Variants in SMU1 observed in about 807,000 individuals in gnomAD.
The protein encoded by SMU1 is WD40 repeat-containing protein SMU1.
Under a neutral mutation model 62.0 loss-of-function variants are expected in SMU1, and 2 were observed. That is an observed-to-expected ratio of 0.03 (90% CI 0.01 to 0.10). The LOEUF is 0.10. Among genes scored for constraint, SMU1 ranks in the 10% least tolerant of loss-of-function variants. The pLI, the probability that SMU1 is intolerant of heterozygous loss-of-function variation, is 1.00. For synonymous variants in SMU1, 188 were observed against 212.4 expected (o/e 0.89, Z 1.00); for missense variants, 227 against 622.1 (o/e 0.36, Z 6.76).
chr9:33,064,804 G>A (rs768030699), intron 4 of SMU1, among the ~76,000 whole-genome samples: 21 of 151,258 alleles, frequency 1.4e-4, no homozygotes, highest in African/African-American at 4.4e-4. Flanking sequence ...GTGCAGTGGC[G>A]CGATCTTGGC....
chr9:33,053,739 A>G (rs956100249), intron 9 of SMU1, among the ~76,000 whole-genome samples: 1 of 152,164 alleles, frequency 6.6e-6, no homozygotes, highest in Admixed American at 6.5e-5. Context: ...AAATATTTTC[A>G]ATTTGTGATT....
rs757269390 is a variant in SMU1, at chr9:33,076,623, G to A, written c.-15C>T. On this transcript the variant is annotated 5_prime_UTR_variant, in exon 1 of 12. Coordinates refer to ENST00000397149, the MANE Select transcript of SMU1 (RefSeq NM_018225.3). ...TCGATCGACATAGCCGTATCTCTCC[G>A]GGAGCAGGCCCCAGCTCTCCCTCAA... 3 of 1,613,720 alleles carry A rather than the reference G, an allele frequency of 1.9e-6. No homozygotes were observed. The highest frequency in any genetic ancestry group is 1.3e-5 in the African/African-American group (1 of 74,914).
At position 33,044,031 on chromosome 9, in the gene SMU1, T is replaced by C. The variant is rs954569980; in HGVS notation, c.*3262A>G. ...AAAAAAAAGCCATACTACTCCCAAA[T>C]ACCTCCGCGCAATGTTTTCCAGTCA... On this transcript the variant is annotated 3_prime_UTR_variant, in exon 12 of 12. Coordinates refer to ENST00000397149, the MANE Select transcript of SMU1 (RefSeq NM_018225.3). 7.1e-6 allele frequency: 1 copy of C among 140,480 alleles called. No homozygotes were observed. Among genetic ancestry groups the C allele is most frequent in the Non-Finnish European group, 1.5e-5 (1 of 64,876 alleles). The allele number at this position is 140,480 out of a possible 1,614,324, so 8.7% of individuals were successfully genotyped here.
intron 10 of SMU1, among the ~76,000 whole-genome samples, chr9:33,050,456 T>A (rs770464801): frequency 4.0e-4 from 61 of 151,834 alleles, no homozygotes; most frequent in Non-Finnish European, 7.5e-4. Flanking sequence ...TTACTCATAA[T>A]TGCCAAAACT....
At chr9:33,048,057 C>CTT (rs1177637249) in intron 11 of SMU1, 49 bp downstream of exon 11, 1 of 1,574,516 alleles carries the variant, frequency 6.4e-7, no homozygotes, top group East Asian at 2.2e-5. Context: ...TTCAGAAAGA[C>CTT]ACAAGTCCTA....
At position 33,073,699 on chromosome 9, in the gene SMU1, T is replaced by C; in HGVS notation, c.134A>G (p.Glu45Gly). 1 of 1,614,086 alleles carries C rather than the reference T, an allele frequency of 6.2e-7. No homozygotes were observed. The highest frequency in any genetic ancestry group is 8.5e-7 in the Non-Finnish European group (1 of 1,179,972). The change falls in exon 2 of 12, where the codon GAG becomes GGG. Residue 45 changes from glutamate (E) to glycine (G), a missense_variant. Glu to Gly is a moderately conservative substitution (Grantham distance 98). Transcript: ENST00000397149. Reference sequence around the variant, plus strand: ...ACTGTTAATGTCAGCCACAAAACTCTCAATGCTGTCCACAGTATTCAGAGA... The same window carrying C: ...ACTGTTAATGTCAGCCACAAAACTCCCAATGCTGTCCACAGTATTCAGAGA... ...TVSLNTVDSI[E>G]SFVADINSGH... is the part of the protein sequence containing the mutation.
intron 5 of SMU1, among the ~76,000 whole-genome samples, chr9:33,061,762 G>T (rs191636788): frequency 5.4e-4 from 82 of 152,290 alleles, no homozygotes; most frequent in Admixed American, 4.7e-3. Flanking sequence ...AACCAAAAAA[G>T]AACTAACCAT....
At chr9:33,060,439 A>G in intron 6 of SMU1, 26 bp downstream of exon 6, 3 of 1,575,234 alleles carry the variant, frequency 1.9e-6, no homozygotes, top group Non-Finnish European at 2.6e-6. Context: ...TCCACTAGGA[A>G]GGTTAACACA....
chr9:33,052,587 C>T (rs1288905084), intron 10 of SMU1, among the ~76,000 whole-genome samples: 1 of 152,184 alleles, frequency 6.6e-6, no homozygotes, highest in Admixed American at 6.5e-5. Flanking sequence ...AATAGCACTA[C>T]CATACATACC....
chr9:33,044,604 T>C lies in SMU1; in HGVS notation c.*2689A>G, dbSNP rs1225235967. On this transcript the variant is annotated 3_prime_UTR_variant, in exon 12 of 12. Transcript: ENST00000397149. ...TTCAGAAAGGCTAGGCGCCGAGGAG[T>C]GTAAGCAGCGTGTGCCCATTTAAAG... The C allele has an allele frequency of 2.0e-5, 3 of 152,146 alleles. No homozygotes were observed. The allele number at this position is 152,146 out of a possible 1,614,324, so 9.4% of individuals were successfully genotyped here. A position where few individuals can be genotyped will look rare whatever the true frequency, so the allele number is the denominator to read the frequency against.
At chr9:33,066,086 C>T (rs1057394803) in intron 4 of SMU1, among the ~76,000 whole-genome samples, 4 of 152,162 alleles carry the variant, frequency 2.6e-5, no homozygotes, top group African/African-American at 9.7e-5. Context: ...GATCCCCATC[C>T]TATCATCCCA....
Position 33,068,793 on chromosome 9 carries a change from C to T in SMU1, c.501+31G>A, listed in dbSNP as rs1471123865. 3 of 1,609,314 alleles carry T rather than the reference C, an allele frequency of 1.9e-6. No individual in the cohort carries two copies. In the African/African-American group the frequency reaches 4.0e-5, roughly 21 times the overall value. On this transcript the variant is annotated intron_variant, in intron 4 of 11. Transcript: ENST00000397149. ...GTGCAAGGATGACAGGTGTGAGCCA[C>T]CACACCTGGCCTCTACAGGAATTGA...
At chr9:33,049,859 G>T (rs1013428496) in intron 10 of SMU1, among the ~76,000 whole-genome samples, 4 of 151,996 alleles carry the variant, frequency 2.6e-5, no homozygotes. Flanking sequence ...GATTTCTTGA[G>T]CCCAGGAGCT....
chr9:33,072,695 G>A (rs1412671397), intron 2 of SMU1, among the ~76,000 whole-genome samples: 2 of 151,878 alleles, frequency 1.3e-5, no homozygotes, highest in African/African-American at 4.8e-5. Flanking sequence ...TGGGCGTGGT[G>A]ATGCACGCCT....
At chr9:33,071,626 A>C in intron 3 of SMU1, 114 bp downstream of exon 3, 2 of 1,090,084 alleles carry the variant, frequency 1.8e-6, no homozygotes, top group South Asian at 3.3e-5. Context: ...ATTCTCAAAA[A>C]TTAAATCAAA....
Position 33,042,773 on chromosome 9 carries a change from C to T in SMU1, c.*4520G>A, listed in dbSNP as rs891215948. On this transcript the variant is annotated 3_prime_UTR_variant, in exon 12 of 12. Transcript: ENST00000397149. ...AATATTAACCACTTGGAACAGAATA[C>T]CACTGTTAAAATTGCCGTGGAAGGT... is the stretch of plus-strand genomic sequence containing the variant. The T allele has an allele frequency of 6.6e-6, 1 of 152,208 alleles. No individual in the cohort carries two copies. The highest frequency in any genetic ancestry group is 1.5e-5 in the Non-Finnish European group (1 of 68,044). 9.4% of individuals were successfully genotyped at this position (152,208 alleles called of 1,614,324 possible).
intron 4 of SMU1, among the ~76,000 whole-genome samples, 158 bp downstream of exon 4, chr9:33,068,666 C>T (rs1020984409): frequency 2.6e-5 from 4 of 151,946 alleles, no homozygotes; most frequent in Non-Finnish European, 4.4e-5. Context: ...CACCATAACC[C>T]GCTAATTTTT....
chr9:33,059,352 C>T (rs1022621057), intron 6 of SMU1, among the ~76,000 whole-genome samples: 12 of 151,828 alleles, frequency 7.9e-5, no homozygotes, highest in Non-Finnish European at 1.6e-4. Flanking sequence ...AAATGACTAG[C>T]TGAGGTACAA....
chr9:33,073,208 G>A (rs1476991735), intron 2 of SMU1, among the ~76,000 whole-genome samples: 1 of 152,082 alleles, frequency 6.6e-6, no homozygotes. Flanking sequence ...ACCACCCTGG[G>A]TATTATGGTG....
Sources: gnomAD v4.1 joint callset for allele counts (sites outside exome capture counted in the v4.1 genomes callset) on GRCh38, gnomAD v4.1.1 for gene constraint, MANE v1.5 for transcripts, NCBI Gene and HGNC (gene_info 2026-07-23, HGNC 2026-07-21) for gene names.